Variants in HAO1 observed in about 807,000 individuals in gnomAD.
The protein encoded by HAO1 is 2-Hydroxyacid oxidase 1.
HAO1 carries 34 observed loss-of-function variants against 39.7 expected under a neutral mutation model. The observed-to-expected ratio is 0.86, with a 90% CI of 0.65 to 1.14. The LOEUF is 1.14. Among genes scored for constraint, HAO1 ranks in the 50% most tolerant of loss-of-function variants. HAO1 has a pLI of 0.00. For missense variants in HAO1, 479 were observed against 464.5 expected (o/e 1.03, Z -0.29); for synonymous variants, 172 against 173.2 (o/e 0.99, Z 0.05).
intron 4 of HAO1, among the ~76,000 whole-genome samples, chr20:7,905,140 G>A (rs896929324): frequency 2.0e-5 from 3 of 152,074 alleles, no homozygotes; most frequent in Non-Finnish European, 4.4e-5. Flanking sequence ...CTATGCATAT[G>A]TACAACTATT....
In HAO1 at chr20:7,934,563, C is replaced by G. The variant is rs201859601; in HGVS notation, c.210G>C (p.Arg70Ser). 6.2e-7 allele frequency: 1 copy of G among 1,612,946 alleles called. No homozygotes were observed. Among genetic ancestry groups the G allele is most frequent in the Non-Finnish European group, 8.5e-7 (1 of 1,179,002 alleles). Residue 70 changes from arginine to serine, a missense_variant, in exon 2 of 8, where the codon AGG becomes AGC. Coordinates refer to ENST00000378789, the MANE Select transcript of HAO1 (RefSeq NM_017545.3). ...CCCCCACACATATTGGCATGCTGAC[C>G]CTCTGTCCTAAAACAGAAGTCGACA... Reference protein sequence around the residue: ...TDLSTSVLGQRVSMPICVGAT... With the variant: ...TDLSTSVLGQSVSMPICVGAT...
At chr20:7,888,977 G>A (rs553684216) in intron 5 of HAO1, among the ~76,000 whole-genome samples, 1 of 152,212 alleles carries the variant, frequency 6.6e-6, no homozygotes, top group African/African-American at 2.4e-5. Context: ...CTCCTAGTAG[G>A]CCTAGTAGCT....
chr20:7,895,434 C>T (rs758476074), intron 4 of HAO1, among the ~76,000 whole-genome samples: 18 of 152,002 alleles, frequency 1.2e-4, no homozygotes, highest in South Asian at 2.1e-4. Flanking sequence ...TTACTACTTA[C>T]GGCAATTTAA....
chr20:7,937,411 A>T (rs924458908), intron 1 of HAO1, among the ~76,000 whole-genome samples: 1 of 152,036 alleles, frequency 6.6e-6, no homozygotes, highest in Non-Finnish European at 1.5e-5. Context: ...CCTATTGTGG[A>T]TACTAGATAA....
chr20:7,924,636 G>A (rs941425), intron 2 of HAO1, among the ~76,000 whole-genome samples: 33,347 of 151,920 alleles, frequency 0.22, 4,389 homozygotes, highest in African/African-American at 0.37. Flanking sequence ...CTAGATTCAA[G>A]CAGAACAATT....
chr20:7,893,889 A>G (rs1215696129), intron 5 of HAO1, among the ~76,000 whole-genome samples: 1 of 152,198 alleles, frequency 6.6e-6, no homozygotes, highest in African/African-American at 2.4e-5. Context: ...ACAGTGGACA[A>G]GGAGAAACGG....
intron 4 of HAO1, among the ~76,000 whole-genome samples, chr20:7,896,523 T>A (rs150755085): frequency 0.014 from 2,158 of 152,174 alleles, 16 homozygotes; most frequent in African/African-American, 0.021. Flanking sequence ...CAACTATTCT[T>A]ATTTTTTTCA....
At chr20:7,916,156 C>G (rs1409128506) in intron 2 of HAO1, among the ~76,000 whole-genome samples, 2 of 152,020 alleles carry the variant, frequency 1.3e-5, no homozygotes, top group Non-Finnish European at 2.9e-5. Context: ...GATAGGTAGG[C>G]TTTCTTCCAA....
At chr20:7,936,548 T>TGTGTGTGTTCG (rs1555775557) in intron 1 of HAO1, among the ~76,000 whole-genome samples, 27 of 50,720 alleles carry the variant, frequency 5.3e-4, no homozygotes, top group Non-Finnish European at 3.7e-4. Flanking sequence ...GTGTGTGTGT[T>TGTGTGTGTTCG]CGCGCGCGCG....
At chr20:7,899,181 G>A (rs1269224435) in intron 4 of HAO1, among the ~76,000 whole-genome samples, 1 of 151,780 alleles carries the variant, frequency 6.6e-6, no homozygotes, top group Non-Finnish European at 1.5e-5. Context: ...CACATCTGCT[G>A]CTCGCTTGCT....
chr20:7,895,323 A>T (rs2122756709), intron 4 of HAO1, 99 bp from the exon 5 acceptor site: 1 of 750,136 alleles, frequency 1.3e-6, no homozygotes, highest in African/African-American at 1.7e-5. Flanking sequence ...GCTGACTCCC[A>T]TCTGCATACC....
Position 7,885,838 on chromosome 20 carries a change from C to T in HAO1, c.840G>A (p.Glu280=). The change falls in exon 6 of 8, where the codon GAG becomes GAA. Residue 280 remains glutamate (E), a synonymous_variant. Coordinates refer to ENST00000378789, the MANE Select transcript of HAO1 (RefSeq NM_017545.3). ...ATIDVLPEIV[E]AVEGKVEVFL... is the part of the protein sequence containing the mutation. Reference sequence around the variant, plus strand: ...AGACTTCCACCTTCCCTTCCACAGCCTCCACAATTTCTGGCAGAACATCAA... The same window carrying T: ...AGACTTCCACCTTCCCTTCCACAGCTTCCACAATTTCTGGCAGAACATCAA... 1 of 1,613,670 alleles carries T rather than the reference C, an allele frequency of 6.2e-7. No individual in the cohort carries two copies. The highest frequency in any genetic ancestry group is 2.2e-5 in the East Asian group (1 of 44,856).
intron 5 of HAO1, among the ~76,000 whole-genome samples, chr20:7,890,477 G>A (rs905397511): frequency 6.6e-6 from 1 of 152,146 alleles, no homozygotes; most frequent in Non-Finnish European, 1.5e-5. Flanking sequence ...GCCTCCCAAA[G>A]TGCTGGGATT....
chr20:7,937,175 A>C (rs890965810), intron 1 of HAO1, among the ~76,000 whole-genome samples: 2 of 152,166 alleles, frequency 1.3e-5, no homozygotes, highest in African/African-American at 4.8e-5. Flanking sequence ...TTATAAAAAA[A>C]TCAAATGATA....
chr20:7,889,601 T>G (rs960124133), intron 5 of HAO1, among the ~76,000 whole-genome samples: 1 of 152,168 alleles, frequency 6.6e-6, no homozygotes, highest in African/African-American at 2.4e-5. Context: ...AGAAGCAACA[T>G]ATTAAGATGA....
At chr20:7,937,232 T>C (rs2050417188) in intron 1 of HAO1, among the ~76,000 whole-genome samples, 2 of 152,258 alleles carry the variant, frequency 1.3e-5, no homozygotes, top group East Asian at 1.9e-4. Context: ...AAGACACCCA[T>C]GCCTCACCCA....
chr20:7,919,100 A>G (rs2050319788), intron 2 of HAO1, among the ~76,000 whole-genome samples: 1 of 152,216 alleles, frequency 6.6e-6, no homozygotes, highest in African/African-American at 2.4e-5. Context: ...ATTAACATAA[A>G]GGCAAAACCT....
chr20:7,912,186 G>T (rs1290998293), intron 3 of HAO1, among the ~76,000 whole-genome samples: 1 of 152,090 alleles, frequency 6.6e-6, no homozygotes, highest in Non-Finnish European at 1.5e-5. Flanking sequence ...AAGAGTCTTT[G>T]TTTCATGGCC....
rs758019173 is a variant in HAO1, at chr20:7,940,345, A to T, written c.78T>A (p.Tyr26Ter). The T allele has an allele frequency of 3.7e-6, 6 of 1,611,454 alleles. No individual in the cohort carries two copies. In the Admixed American group the frequency reaches 1.0e-4, roughly 27 times the overall value. ...CTTCATCATTTGCCCCAGACCTGTA[A>T]TAGTCATATATAGACTTTGGAAGTA... ...KSVLPKSIYD[Y>*]YRSGANDEET... Residue 26 changes from tyrosine (Y) to a stop codon, truncating the protein, a stop_gained, in exon 1 of 8, where the codon TAT becomes TAA. Coordinates refer to ENST00000378789, the MANE Select transcript of HAO1 (RefSeq NM_017545.3). LOFTEE classifies it high-confidence loss of function.
Sources: allele counts gnomAD v4.1 joint callset (sites outside exome capture counted in the v4.1 genomes callset), GRCh38; gene constraint gnomAD v4.1.1; transcripts MANE v1.5; gene names NCBI Gene and HGNC (gene_info 2026-07-23, HGNC 2026-07-21).